Variants in NELL1 observed in about 807,000 individuals in gnomAD.
The protein encoded by NELL1 is protein kinase C-binding protein NELL1.
Under a neutral mutation model 107.4 loss-of-function variants are expected in NELL1, and 76 were observed. The ratio of observed to expected loss-of-function variants is 0.71; its 90% CI spans 0.59 to 0.86. NELL1 has a LOEUF of 0.86. Among genes scored for constraint, NELL1 ranks in the 40% least tolerant of loss-of-function variants. The probability of loss-of-function intolerance (pLI) is 0.00; values close to 1 mark genes in which losing one functional copy is unlikely to be tolerated. For missense variants in NELL1, 1,024 were observed against 1,005.5 expected, an observed-to-expected ratio of 1.02 and a Z score of -0.25; for synonymous variants, 353 against 341.2, an observed-to-expected ratio of 1.03 and a Z score of -0.38.
At chr11:21,312,758 T>G (rs1191466426) in intron 14 of NELL1, among the ~76,000 whole-genome samples, 1 of 152,118 alleles carries the variant, frequency 6.6e-6, no homozygotes, top group Non-Finnish European at 1.5e-5. Flanking sequence ...TATGGATAAG[T>G]GAAATAGACA....
intron 14 of NELL1, among the ~76,000 whole-genome samples, chr11:21,241,222 G>T (rs761494785): frequency 2.0e-5 from 3 of 152,038 alleles, no homozygotes; most frequent in Non-Finnish European, 4.4e-5. Flanking sequence ...CAATATGTAG[G>T]CTATCTACTG....
chr11:20,810,599 T>G (rs1857481382), intron 3 of NELL1, among the ~76,000 whole-genome samples: 2 of 152,236 alleles, frequency 1.3e-5, no homozygotes, highest in Admixed American at 6.5e-5. Context: ...TACCATAGTT[T>G]CTTTATCCAT....
chr11:20,894,389 G>A (rs1849681748), intron 5 of NELL1, among the ~76,000 whole-genome samples: 1 of 152,126 alleles, frequency 6.6e-6, no homozygotes, highest in Non-Finnish European at 1.5e-5. Context: ...TCCCACAAAG[G>A]CCTTTTATCC....
chr11:21,273,922 C>A (rs1848795804), intron 14 of NELL1, among the ~76,000 whole-genome samples: 1 of 152,170 alleles, frequency 6.6e-6, no homozygotes, highest in Non-Finnish European at 1.5e-5. Flanking sequence ...TAGAAAGGAA[C>A]AACCAGTACC....
At chr11:21,013,401 A>G (rs776584533) in intron 12 of NELL1, among the ~76,000 whole-genome samples, 2 of 152,066 alleles carry the variant, frequency 1.3e-5, no homozygotes, top group African/African-American at 2.4e-5. Flanking sequence ...AGAGGGGCCA[A>G]TTTGGCTCCA....
intron 15 of NELL1, among the ~76,000 whole-genome samples, chr11:21,425,553 T>A (rs1038755836): frequency 6.6e-6 from 1 of 152,014 alleles, no homozygotes; most frequent in African/African-American, 2.4e-5. Context: ...AAGGTCTGAG[T>A]GATGCCTTTG....
intron 5 of NELL1, among the ~76,000 whole-genome samples, chr11:20,917,900 A>T (rs1021213605): frequency 2.6e-5 from 4 of 151,996 alleles, no homozygotes; most frequent in African/African-American, 9.7e-5. Flanking sequence ...GAGAATTTTT[A>T]TTGAATCAGT....
At chr11:20,752,462 T>C (rs1166750277) in intron 2 of NELL1, among the ~76,000 whole-genome samples, 1 of 152,166 alleles carries the variant, frequency 6.6e-6, no homozygotes, top group East Asian at 1.9e-4. Context: ...GGCAGGAGAA[T>C]CACTTGAACC....
intron 13 of NELL1, among the ~76,000 whole-genome samples, chr11:21,140,758 A>G (rs992513715): frequency 7.2e-5 from 11 of 152,156 alleles, no homozygotes; most frequent in Non-Finnish European, 1.2e-4. Flanking sequence ...CCTTTCTTCA[A>G]TTGGAGGTTT....
intron 5 of NELL1, among the ~76,000 whole-genome samples, chr11:20,915,201 G>T (rs1355180483): frequency 6.6e-6 from 1 of 151,918 alleles, no homozygotes; most frequent in Non-Finnish European, 1.5e-5. Context: ...ATTTATATAT[G>T]AGTTGGATGC....
intron 12 of NELL1, among the ~76,000 whole-genome samples, chr11:21,028,347 C>G (rs961274912): frequency 2.0e-5 from 3 of 152,110 alleles, no homozygotes; most frequent in Non-Finnish European, 2.9e-5. Flanking sequence ...AGAATAATTA[C>G]CTCTTGCAGG....
intron 13 of NELL1, among the ~76,000 whole-genome samples, chr11:21,127,623 A>G (rs998866625): frequency 2.7e-5 from 4 of 150,350 alleles, no homozygotes. Context: ...AGGAAGAAGA[A>G]GAGGAGGAAG....
intron 14 of NELL1, among the ~76,000 whole-genome samples, chr11:21,337,478 C>T (rs575151323): frequency 6.6e-6 from 1 of 152,280 alleles, no homozygotes; most frequent in African/African-American, 2.4e-5. Flanking sequence ...AATATGTCTT[C>T]CAAGATCACT....
At chr11:21,313,703 G>A (rs1255983042) in intron 14 of NELL1, among the ~76,000 whole-genome samples, 3 of 152,162 alleles carry the variant, frequency 2.0e-5, no homozygotes, top group African/African-American at 4.8e-5. Flanking sequence ...GGTAGTGCAG[G>A]GCATCACATG....
chr11:20,823,610 T>C lies in NELL1; in HGVS notation c.336-23973T>C, dbSNP rs1240354868. Among the ~76,000 whole-genome samples the C allele has an allele frequency of 2.0e-5, 3 of 151,356 alleles. No homozygotes were observed. The East Asian group carries it at 5.8e-4, about 29-fold the overall frequency. ...GCTTTTAAATATAAAATTCGGAAAT[T>C]GTTATAAAATCTCCTGAATCTGAGT... On this transcript the variant is annotated intron_variant, in intron 3 of 19. Transcript: ENST00000357134.
intron 13 of NELL1, among the ~76,000 whole-genome samples, chr11:21,178,496 G>A (rs1024528197): frequency 2.6e-5 from 4 of 151,682 alleles, no homozygotes; most frequent in East Asian, 1.9e-4. Flanking sequence ...GGTGGGAATC[G>A]TAGCTCACAC....
intron 15 of NELL1, among the ~76,000 whole-genome samples, chr11:21,468,509 C>T (rs977803930): frequency 6.6e-6 from 1 of 151,720 alleles, no homozygotes; most frequent in Admixed American, 6.6e-5. Context: ...ATTATCTGTA[C>T]CTCTATTGTT....
At chr11:21,243,441 ACT>A (rs1193088054) in intron 14 of NELL1, among the ~76,000 whole-genome samples, 2 of 152,066 alleles carry the variant, frequency 1.3e-5, no homozygotes, top group South Asian at 2.1e-4. Flanking sequence ...TAGTGGGCAA[ACT>A]CTGTTTTACA....
intron 14 of NELL1, among the ~76,000 whole-genome samples, chr11:21,243,635 AG>A (rs1317627280): frequency 2.0e-5 from 3 of 152,160 alleles, no homozygotes; most frequent in Non-Finnish European, 4.4e-5. Flanking sequence ...GAAGACGTAA[AG>A]GCTCTAGAAC....
Sources: allele counts gnomAD v4.1 joint callset (sites outside exome capture counted in the v4.1 genomes callset), GRCh38; gene constraint gnomAD v4.1.1; transcripts MANE v1.5; gene names NCBI Gene and HGNC (gene_info 2026-07-23, HGNC 2026-07-21).